RANBP17: variants seen among roughly 807,000 people sequenced by gnomAD.
RANBP17 encodes the protein RAN binding protein 17.
RANBP17 carries 158 observed loss-of-function variants against 141.2 expected under a neutral mutation model. That is an observed-to-expected ratio of 1.12 (90% CI 0.98 to 1.28). The LOEUF (loss-of-function observed/expected upper bound fraction) is 1.28, where lower values mean the gene tolerates loss of function less well. Among genes scored for constraint, RANBP17 ranks in the 50% most tolerant of loss-of-function variants. The pLI is 0.00. For missense variants in RANBP17, 1,438 were observed against 1,290.7 expected, an observed-to-expected ratio of 1.11 and a Z score of -1.75; for synonymous variants, 430 against 450.0, an observed-to-expected ratio of 0.96 and a Z score of 0.56.
chr5:171,241,175 T>G, intron 23 of RANBP17, 33 bp downstream of exon 23: 1 of 1,525,892 alleles, frequency 6.6e-7, no homozygotes, highest in South Asian at 1.1e-5. Flanking sequence ...AGTGTTTGTA[T>G]GAAATGTGAA....
At chr5:170,914,028 A>G in intron 7 of RANBP17, 139 bp from the exon 8 acceptor site, 1 of 631,226 alleles carries the variant, frequency 1.6e-6, no homozygotes, top group Non-Finnish European at 2.8e-6. Context: ...GAAAATAGCT[A>G]GGAATTAAAA....
chr5:171,291,074 C>T (rs1265719982), intron 25 of RANBP17, among the ~76,000 whole-genome samples: 1 of 152,200 alleles, frequency 6.6e-6, no homozygotes, highest in African/African-American at 2.4e-5. Context: ...GCTCCAAAGC[C>T]TGGCTTTACC....
intron 24 of RANBP17, among the ~76,000 whole-genome samples, chr5:171,249,522 C>T (rs1045634746): frequency 4.6e-5 from 7 of 151,970 alleles, no homozygotes; most frequent in African/African-American, 1.7e-4. Flanking sequence ...AAAAACAATA[C>T]AAATACAATT....
rs1480014947 is a variant in RANBP17, at chr5:170,924,415, T to G, written c.1333T>G (p.Leu445Val). ...CACTGTGTTTCAGCAGTTGGAGCAGTTGTGCACGGTCAGCAGATGTGAATA... is the reference window on the plus strand; with the variant it reads ...CACTGTGTTTCAGCAGTTGGAGCAGGTGTGCACGGTCAGCAGATGTGAATA... ...TATVFQQLEQLCTVSRCEYEK... is the reference protein window; with the variant it reads ...TATVFQQLEQVCTVSRCEYEK... The change falls in exon 12 of 28, where the codon TTG becomes GTG. Residue 445 changes from leucine to valine, a missense_variant. Coordinates refer to ENST00000523189, the MANE Select transcript of RANBP17 (RefSeq NM_022897.5). The G allele has an allele frequency of 4.3e-6, 7 of 1,612,446 alleles. No homozygotes were observed. Among genetic ancestry groups the G allele is most frequent in the Non-Finnish European group, 5.9e-6 (7 of 1,178,820 alleles).
At chr5:170,879,449 T>C (rs900071144) in intron 2 of RANBP17, among the ~76,000 whole-genome samples, 7 of 152,084 alleles carry the variant, frequency 4.6e-5, no homozygotes, top group Non-Finnish European at 8.8e-5. Context: ...AAAATATATC[T>C]CTGAATAGAG....
chr5:170,919,420 T>C, intron 10 of RANBP17, 21 bp from the exon 11 acceptor site: 5 of 1,484,834 alleles, frequency 3.4e-6, no homozygotes, highest in Non-Finnish European at 4.5e-6. Flanking sequence ...TTTAAATAAC[T>C]TCTGCTTTAT....
At chr5:171,096,833 A>C (rs1278845065) in intron 14 of RANBP17, among the ~76,000 whole-genome samples, 1 of 152,146 alleles carries the variant, frequency 6.6e-6, no homozygotes, top group East Asian at 1.9e-4. Context: ...TTTATCAACA[A>C]CAACAACAAA....
At chr5:170,978,596 A>G (rs1777551410) in intron 14 of RANBP17, among the ~76,000 whole-genome samples, 1 of 152,200 alleles carries the variant, frequency 6.6e-6, no homozygotes, top group South Asian at 2.1e-4. Context: ...ATGATGAAGA[A>G]TGAAAAAGAT....
chr5:171,183,640 A>G (rs535262463), intron 18 of RANBP17, among the ~76,000 whole-genome samples: 2 of 152,344 alleles, frequency 1.3e-5, no homozygotes, highest in Admixed American at 1.3e-4. Context: ...TTTTCACTTC[A>G]CATAACACTT....
At chr5:170,881,964 C>T in intron 3 of RANBP17, 68 bp downstream of exon 3, 4 of 1,025,976 alleles carry the variant, frequency 3.9e-6, no homozygotes, top group Admixed American at 2.5e-5. Flanking sequence ...ATATACTAAA[C>T]TGTTACTAGG....
chr5:171,217,866 C>G (rs1763312129), intron 21 of RANBP17, among the ~76,000 whole-genome samples: 1 of 151,784 alleles, frequency 6.6e-6, no homozygotes, highest in Non-Finnish European at 1.5e-5. Context: ...ATTGATTTTT[C>G]AAAGGGTTTT....
At position 171,294,749 on chromosome 5, in the gene RANBP17, C is replaced by T. The variant is rs771527901; in HGVS notation, c.3042+768C>T. On this transcript the variant is annotated intron_variant, in intron 26 of 27. Coordinates refer to ENST00000523189, the MANE Select transcript of RANBP17 (RefSeq NM_022897.5). ...AGTAGCACTGTCATTCATCTTCCCT[C>T]GGTGTTATTGTGATTTAAATCCAAG... 1.3e-4 allele frequency among the ~76,000 whole-genome samples: 20 copies of T among 152,138 alleles called. 1 individual carries two copies. The highest frequency in any genetic ancestry group is 1.3e-3 in the Admixed American group (20 of 15,280).
intron 14 of RANBP17, among the ~76,000 whole-genome samples, chr5:171,065,024 T>C (rs1784215608): frequency 6.6e-6 from 1 of 152,254 alleles, no homozygotes; most frequent in African/African-American, 2.4e-5. Flanking sequence ...TATTTTGTTT[T>C]TAATTGCATC....
At chr5:171,093,323 T>C (rs1159707312) in intron 14 of RANBP17, among the ~76,000 whole-genome samples, 2 of 152,220 alleles carry the variant, frequency 1.3e-5, no homozygotes, top group Non-Finnish European at 2.9e-5. Flanking sequence ...ACTTTATTTA[T>C]TTATGTCCCT....
At position 171,205,521 on chromosome 5, in the gene RANBP17, C is replaced by G. The variant is rs781420538; in HGVS notation, c.2143-3C>G. On this transcript the variant is annotated splice_polypyrimidine_tract_variant and splice_region_variant and intron_variant, in intron 19 of 27. Coordinates refer to ENST00000523189, the MANE Select transcript of RANBP17 (RefSeq NM_022897.5). ...AATTACTGTGTCTCTTTCCCACTGA[C>G]AGCGTATGTTGATCGGGCTGGCAAG... is the stretch of plus-strand genomic sequence containing the variant. 3.1e-6 allele frequency: 5 copies of G among 1,613,034 alleles called. No individual in the cohort carries two copies. Among genetic ancestry groups the G allele is most frequent in the Admixed American group, 3.3e-5 (2 of 59,966 alleles).
In RANBP17 at chr5:171,189,426, C is replaced by T. The variant is rs1425995265; in HGVS notation, c.2038+5996C>T. ...CTTCTTCCCAAAATTATGTTGGGCACCTTCAAGGTATGGACTATCTTTTTT... is the reference window on the plus strand; with the variant it reads ...CTTCTTCCCAAAATTATGTTGGGCATCTTCAAGGTATGGACTATCTTTTTT... On this transcript the variant is annotated intron_variant, in intron 18 of 27. Transcript: ENST00000523189. 2.0e-5 allele frequency among the ~76,000 whole-genome samples: 3 copies of T among 152,298 alleles called. No individual in the cohort carries two copies. In the East Asian group the frequency reaches 5.8e-4, roughly 29 times the overall value.
intron 27 of RANBP17, among the ~76,000 whole-genome samples, chr5:171,298,266 G>A (rs1214353063): frequency 6.6e-6 from 1 of 152,078 alleles, no homozygotes; most frequent in Non-Finnish European, 1.5e-5. Context: ...GTAGAGCTAG[G>A]ATTTGAACCC....
At chr5:170,874,768 T>C (rs1768042126) in intron 1 of RANBP17, among the ~76,000 whole-genome samples, 1 of 152,164 alleles carries the variant, frequency 6.6e-6, no homozygotes, top group African/African-American at 2.4e-5. Context: ...TGATGGGACT[T>C]GACTCTTTGT....
chr5:171,223,072 T>G lies in RANBP17; in HGVS notation c.2422+1232T>G, dbSNP rs79527395. 7.5e-3 allele frequency among the ~76,000 whole-genome samples: 1,144 copies of G among 152,242 alleles called. 13 individuals are homozygous for G. The highest frequency in any genetic ancestry group is 0.026 in the African/African-American group (1,083 of 41,556). On this transcript the variant is annotated intron_variant, in intron 22 of 27. Coordinates refer to ENST00000523189, the MANE Select transcript of RANBP17 (RefSeq NM_022897.5). Reference sequence around the variant, plus strand: ...CTTTTTTTAAAGTAAAAGCCTATTTTAAAAAGAAAAAAATGGGTGTTTTAA... The same window carrying G: ...CTTTTTTTAAAGTAAAAGCCTATTTGAAAAAGAAAAAAATGGGTGTTTTAA...
Sources: allele counts gnomAD v4.1 joint callset (sites outside exome capture counted in the v4.1 genomes callset), GRCh38; gene constraint gnomAD v4.1.1; transcripts MANE v1.5; gene names NCBI Gene and HGNC (gene_info 2026-07-23, HGNC 2026-07-21).